The following LSAMP variants were observed in gnomAD, a reference collection of about 807,000 sequenced individuals.
LSAMP encodes the protein limbic system associated membrane protein, also known as limbic system-associated membrane protein.
LSAMP carries 7 observed loss-of-function variants against 38.6 expected under a neutral mutation model. The observed-to-expected ratio is 0.18, with a 90% CI of 0.10 to 0.34. The LOEUF (loss-of-function observed/expected upper bound fraction) is 0.34. LSAMP is among the 10% of genes least tolerant of loss of function. LSAMP has a pLI of 1.00. For missense variants in LSAMP, 313 were observed against 420.0 expected, an observed-to-expected ratio of 0.75 and a Z score of 2.23; for synonymous variants, 154 against 166.8, an observed-to-expected ratio of 0.92 and a Z score of 0.59.
At chr3:116,072,197 G>A (rs1326464569) in intron 2 of LSAMP, among the ~76,000 whole-genome samples, 3 of 151,878 alleles carry the variant, frequency 2.0e-5, no homozygotes, top group East Asian at 1.9e-4. Context: ...GGATGGTCTC[G>A]ATCTCTTGAC....
chr3:116,442,567 G>C (rs536659527), intron 1 of LSAMP, among the ~76,000 whole-genome samples: 2 of 152,092 alleles, frequency 1.3e-5, no homozygotes, highest in Admixed American at 6.5e-5. Context: ...TGAGAAGAAG[G>C]TCAGCTAAGA....
intron 1 of LSAMP, among the ~76,000 whole-genome samples, chr3:116,276,608 C>T (rs2047054971): frequency 6.6e-6 from 1 of 150,422 alleles, no homozygotes; most frequent in South Asian, 2.1e-4. Flanking sequence ...ACCAAAATCT[C>T]ACACATCACC....
intron 1 of LSAMP, among the ~76,000 whole-genome samples, chr3:116,236,641 A>T (rs1301307604): frequency 1.3e-5 from 2 of 152,126 alleles, no homozygotes; most frequent in Admixed American, 1.3e-4. Flanking sequence ...ACAGCAAATG[A>T]GATTTACAAT....
chr3:115,805,618 T>A lies in LSAMP; in HGVS notation c.*4699A>T, dbSNP rs1933612993. ...TCATAAACATTTTCGCTGGTGTAAA[T>A]GTTAAACCTAAACCCAACGTTAACA... On this transcript the variant is annotated 3_prime_UTR_variant, in exon 7 of 7. Transcript: ENST00000490035. 1 of 152,224 alleles carries A rather than the reference T, an allele frequency of 6.6e-6. No individual in the cohort carries two copies. The highest frequency in any genetic ancestry group is 2.1e-4 in the South Asian group (1 of 4,832). 9.4% of individuals were successfully genotyped at this position (152,224 alleles called of 1,614,324 possible).
At position 115,852,523 on chromosome 3, in the gene LSAMP, G is replaced by C; in HGVS notation, c.609C>G (p.Val203=). 1 of 1,613,734 alleles carries C rather than the reference G, an allele frequency of 6.2e-7. No individual in the cohort carries two copies. The highest frequency in any genetic ancestry group is 8.5e-7 in the Non-Finnish European group (1 of 1,179,840). ...TGACTTGTTTGACATCCGCCGAGGA[G>C]ACCTCGTTGGCAGCTTTGCACTCAT... The part of the protein sequence containing the change: ...GKYECKAANE[V]SSADVKQVKV... The change falls in exon 4 of 7, where the codon GTC becomes GTG. Residue 203 remains valine, a synonymous_variant. Transcript: ENST00000490035.
chr3:115,955,683 T>A (rs1321815785), intron 3 of LSAMP, among the ~76,000 whole-genome samples: 1 of 152,146 alleles, frequency 6.6e-6, no homozygotes, highest in Non-Finnish European at 1.5e-5. Context: ...GATAAAACTT[T>A]TAGTCAGAAT....
chr3:115,852,687 T>C, intron 3 of LSAMP, 70 bp from the exon 4 acceptor site: 1 of 1,377,398 alleles, frequency 7.3e-7, no homozygotes, highest in South Asian at 1.5e-5. Context: ...TCATTATTCT[T>C]TTTAAAAGCC....
intron 3 of LSAMP, among the ~76,000 whole-genome samples, chr3:115,934,189 T>TA (rs1289048209): frequency 6.6e-6 from 1 of 151,052 alleles, no homozygotes; most frequent in African/African-American, 2.4e-5. Flanking sequence ...TTTATTTTAT[T>TA]TTTTTTTCAG....
intron 1 of LSAMP, among the ~76,000 whole-genome samples, chr3:116,300,680 A>G (rs896071512): frequency 4.6e-5 from 7 of 152,094 alleles, no homozygotes; most frequent in Non-Finnish European, 7.4e-5. Flanking sequence ...GACTCTAACT[A>G]ATACTTGATG....
intron 3 of LSAMP, among the ~76,000 whole-genome samples, chr3:115,934,731 T>G (rs1937642312): frequency 6.6e-6 from 1 of 152,212 alleles, no homozygotes; most frequent in Non-Finnish European, 1.5e-5. Context: ...AGAATGATTC[T>G]GGGTTTGTGA....
At chr3:116,310,882 G>C (rs996510713) in intron 1 of LSAMP, among the ~76,000 whole-genome samples, 14 of 149,212 alleles carry the variant, frequency 9.4e-5, no homozygotes, top group Non-Finnish European at 3.0e-5. Flanking sequence ...AAATGGTGAT[G>C]ATGATGGTGA....
rs148151547 is a variant in LSAMP, at chr3:116,302,645, C to T, written c.155+142232G>A. Among the ~76,000 whole-genome samples the T allele has an allele frequency of 1.2e-4, 19 of 152,310 alleles. No homozygotes were observed. The South Asian group carries it at 1.7e-3, about 13-fold the overall frequency. On this transcript the variant is annotated intron_variant, in intron 1 of 6. Coordinates refer to ENST00000490035, the MANE Select transcript of LSAMP (RefSeq NM_002338.5). ...TCCAGATGGCTATGGTGTTTTATCA[C>T]GTGTTTGCTTTAGTAAAACATAACA...
In LSAMP at chr3:116,211,210, T is replaced by C. The variant is rs181805849; in HGVS notation, c.156-124654A>G. 2.6e-5 allele frequency among the ~76,000 whole-genome samples: 4 copies of C among 152,246 alleles called. No homozygotes were observed. The East Asian group carries it at 7.7e-4, about 29-fold the overall frequency. ...GGAGGAGGGGGAAGGATTGGCAAGA[T>C]GTTGGTCAAAGGATGCAAAATTGCA... is the stretch of plus-strand genomic sequence containing the variant. On this transcript the variant is annotated intron_variant, in intron 1 of 6. Coordinates refer to ENST00000490035, the MANE Select transcript of LSAMP (RefSeq NM_002338.5).
chr3:115,886,485 A>C (rs928005241), intron 3 of LSAMP, among the ~76,000 whole-genome samples: 1 of 151,988 alleles, frequency 6.6e-6, no homozygotes, highest in Non-Finnish European at 1.5e-5. Flanking sequence ...AGTTGAAAGA[A>C]TCTACATCCA....
At chr3:115,873,932 T>C (rs1240055227) in intron 3 of LSAMP, among the ~76,000 whole-genome samples, 1 of 152,158 alleles carries the variant, frequency 6.6e-6, no homozygotes. Flanking sequence ...GGAATCAGTC[T>C]ATGATGGTGC....
chr3:116,376,212 A>G (rs1324973283), intron 1 of LSAMP, among the ~76,000 whole-genome samples: 5 of 152,082 alleles, frequency 3.3e-5, no homozygotes, highest in African/African-American at 1.2e-4. Flanking sequence ...GATAAATGCA[A>G]TAAGGTGAAA....
At chr3:116,263,621 C>T (rs556459564) in intron 1 of LSAMP, among the ~76,000 whole-genome samples, 2 of 151,608 alleles carry the variant, frequency 1.3e-5, no homozygotes, top group South Asian at 4.2e-4. Context: ...ATATTTTCAG[C>T]TTCACTCCTA....
At chr3:116,268,328 C>G (rs1452819707) in intron 1 of LSAMP, among the ~76,000 whole-genome samples, 1 of 152,066 alleles carries the variant, frequency 6.6e-6, no homozygotes, top group Non-Finnish European at 1.5e-5. Context: ...TCTGCCTGGC[C>G]AACCCAAATG....
intron 1 of LSAMP, among the ~76,000 whole-genome samples, chr3:116,299,290 T>C (rs1177805005): frequency 6.6e-6 from 1 of 152,184 alleles, no homozygotes; most frequent in African/African-American, 2.4e-5. Flanking sequence ...CTGAGACAGG[T>C]AGAGCCTAAA....
Sources: gnomAD v4.1 joint callset for allele counts (sites outside exome capture counted in the v4.1 genomes callset) on GRCh38, gnomAD v4.1.1 for gene constraint, MANE v1.5 for transcripts, NCBI Gene and HGNC (gene_info 2026-07-23, HGNC 2026-07-21) for gene names.